RBFOX1: variants seen among roughly 807,000 people sequenced by gnomAD.
The protein encoded by RBFOX1 is RNA binding fox-1 homolog 1.
In RBFOX1, 8 loss-of-function variants were observed where a neutral mutation model predicts 57.7. The ratio of observed to expected loss-of-function variants is 0.14; its 90% confidence interval spans 0.08 to 0.25. RBFOX1 has a LOEUF of 0.25. Ranked by LOEUF, RBFOX1 falls within the 10% of genes least tolerant of loss-of-function variation. RBFOX1 has a pLI of 1.00. For synonymous variants in RBFOX1, 326 were observed against 222.4 expected (o/e 1.47, Z -4.15); for missense variants, 611 against 548.5 (o/e 1.11, Z -1.14).
At chr16:6,861,823 G>GTTTTTTTTTTTTTT (rs35138717) in intron 3 of RBFOX1, among the ~76,000 whole-genome samples, 168 of 92,434 alleles carry the variant, frequency 1.8e-3, no homozygotes, top group East Asian at 4.3e-3. Context: ...GCGTCCCTTG[G>GTTTTTTTTTTTTTT]TTTTTTTTTT....
At chr16:7,214,592 C>A (rs1362506970) in intron 4 of RBFOX1, among the ~76,000 whole-genome samples, 1 of 152,190 alleles carries the variant, frequency 6.6e-6, no homozygotes, top group South Asian at 2.1e-4. Context: ...TCATCGTCTG[C>A]AGCCAGAGTA....
At chr16:5,712,169 C>T (rs150296981) in intron 3 of RBFOX1, among the ~76,000 whole-genome samples, 22 of 152,246 alleles carry the variant, frequency 1.4e-4, no homozygotes, top group African/African-American at 5.1e-4. Context: ...CGAAAACTGC[C>T]CCCATGATCC....
intron 3 of RBFOX1, among the ~76,000 whole-genome samples, chr16:6,834,873 C>T (rs952871232): frequency 1.1e-4 from 16 of 147,572 alleles, no homozygotes; most frequent in African/African-American, 4.0e-4. Flanking sequence ...CAATTAACTT[C>T]AAAGGCCTGA....
At chr16:7,024,513 T>G (rs909035838) in intron 3 of RBFOX1, among the ~76,000 whole-genome samples, 1 of 152,154 alleles carries the variant, frequency 6.6e-6, no homozygotes, top group East Asian at 1.9e-4. Context: ...TATAGGCCCT[T>G]GTGCAAAAAT....
chr16:5,532,842 G>C (rs1167372594), intron 2 of RBFOX1, among the ~76,000 whole-genome samples: 1 of 152,148 alleles, frequency 6.6e-6, no homozygotes, highest in African/African-American at 2.4e-5. Context: ...TGTGAAGTCT[G>C]TGCAATGTAT....
intron 1 of RBFOX1, among the ~76,000 whole-genome samples, chr16:5,279,012 C>T (rs1341626396): frequency 6.6e-6 from 1 of 152,102 alleles, no homozygotes; most frequent in Non-Finnish European, 1.5e-5. Flanking sequence ...ATTTTTAAAT[C>T]AGGTAGTGTG....
chr16:7,180,315 C>T (rs1023434536), intron 4 of RBFOX1, among the ~76,000 whole-genome samples: 7 of 152,104 alleles, frequency 4.6e-5, no homozygotes, highest in African/African-American at 1.2e-4. Context: ...TCCCATTTTT[C>T]AGATAGAAAA....
chr16:6,671,696 G>T (rs866468820), intron 3 of RBFOX1, among the ~76,000 whole-genome samples: 2 of 152,148 alleles, frequency 1.3e-5, no homozygotes, highest in East Asian at 1.9e-4. Flanking sequence ...CTCCCACTTA[G>T]GAGTGAGGAC....
intron 4 of RBFOX1, among the ~76,000 whole-genome samples, chr16:7,250,153 C>T (rs531622312): frequency 6.6e-6 from 1 of 152,098 alleles, no homozygotes; most frequent in Non-Finnish European, 1.5e-5. Context: ...TATTGATTTT[C>T]GAGAGAAGTA....
intron 2 of RBFOX1, among the ~76,000 whole-genome samples, chr16:6,554,781 GACAC>G (rs375659338): frequency 1.1e-4 from 16 of 145,264 alleles, no homozygotes; most frequent in African/African-American, 1.8e-4. Context: ...AAGGTACACA[GACAC>G]ACACACAGAC....
chr16:6,402,647 T>C (rs560080283), intron 2 of RBFOX1, among the ~76,000 whole-genome samples: 1 of 152,342 alleles, frequency 6.6e-6, no homozygotes, highest in Non-Finnish European at 1.5e-5. Context: ...ACACAATACC[T>C]ATGTAAACAC....
chr16:5,615,037 A>C (rs1248127448), intron 3 of RBFOX1, among the ~76,000 whole-genome samples: 4 of 152,070 alleles, frequency 2.6e-5, no homozygotes, highest in Non-Finnish European at 4.4e-5. Context: ...CATTCAGCTC[A>C]GTTTTGTTTG....
Position 5,407,522 on chromosome 16 carries a change from G to T in RBFOX1, c.220-59694G>T, listed in dbSNP as rs547219756. 6.2e-4 allele frequency among the ~76,000 whole-genome samples: 94 copies of T among 152,078 alleles called. 1 individual carries two copies. Among genetic ancestry groups the T allele is most frequent in the Non-Finnish European group, 1.9e-4 (13 of 68,020 alleles). ...ATAGTGAGAGGTACTGGCAGCACTG[G>T]CCCCCATGATTGCTGGATGTCATAA... On this transcript the variant is annotated intron_variant, in intron 1 of 2. Transcript: ENST00000585867.
intron 4 of RBFOX1, among the ~76,000 whole-genome samples, chr16:5,938,773 C>T (rs1429593166): frequency 6.6e-6 from 1 of 152,114 alleles, no homozygotes; most frequent in Non-Finnish European, 1.5e-5. Context: ...ACCTGCAGCT[C>T]ACCACAAAGC....
At chr16:5,888,477 C>G (rs559297046) in intron 4 of RBFOX1, among the ~76,000 whole-genome samples, 62 of 152,164 alleles carry the variant, frequency 4.1e-4, no homozygotes, top group Non-Finnish European at 3.8e-4. Context: ...AATACTGAAA[C>G]CATAGTTGCC....
At chr16:6,809,827 G>T (rs2087962608) in intron 3 of RBFOX1, among the ~76,000 whole-genome samples, 1 of 152,140 alleles carries the variant, frequency 6.6e-6, no homozygotes, top group South Asian at 2.1e-4. Flanking sequence ...TTCTCTGGAA[G>T]AGTGCTGTCG....
intron 1 of RBFOX1, among the ~76,000 whole-genome samples, chr16:5,440,325 C>T (rs879477168): frequency 3.3e-5 from 5 of 152,134 alleles, no homozygotes; most frequent in Admixed American, 1.3e-4. Flanking sequence ...GCTTGCCCTT[C>T]AACTTTGACT....
At chr16:5,438,085 T>C (rs1803234921) in intron 1 of RBFOX1, among the ~76,000 whole-genome samples, 1 of 152,240 alleles carries the variant, frequency 6.6e-6, no homozygotes. Context: ...TGTTCATCTA[T>C]AACATTGGCA....
intron 3 of RBFOX1, among the ~76,000 whole-genome samples, chr16:5,815,825 G>T (rs1478930300): frequency 4.6e-5 from 7 of 152,342 alleles, no homozygotes; most frequent in East Asian, 3.9e-4. Context: ...GCTGCAGAGA[G>T]AATGGCTGCT....
Sources: gnomAD v4.1 joint callset for allele counts (sites outside exome capture counted in the v4.1 genomes callset) on GRCh38, gnomAD v4.1.1 for gene constraint, MANE v1.5 for transcripts, NCBI Gene and HGNC (gene_info 2026-07-23, HGNC 2026-07-21) for gene names.